Variants in STAU2 observed in about 807,000 individuals in gnomAD.
STAU2 encodes the protein staufen double-stranded RNA binding protein 2.
STAU2 carries 20 observed loss-of-function variants against 65.9 expected under a neutral mutation model. The ratio of observed to expected loss-of-function variants is 0.30; its 90% CI spans 0.21 to 0.44. The LOEUF is 0.44. Among genes scored for constraint, STAU2 ranks in the 20% least tolerant of loss-of-function variants. The pLI, the probability that STAU2 is intolerant of heterozygous loss-of-function variation, is 1.00. For missense variants in STAU2, 558 were observed against 683.9 expected, an observed-to-expected ratio of 0.82 and a Z score of 2.05; for synonymous variants, 232 against 233.9, an observed-to-expected ratio of 0.99 and a Z score of 0.07.
intron 13 of STAU2, among the ~76,000 whole-genome samples, chr8:73,445,094 C>T (rs765640494): frequency 1.3e-5 from 2 of 152,198 alleles, no homozygotes; most frequent in Non-Finnish European, 2.9e-5. Flanking sequence ...TCGAACCAGA[C>T]GTCCTTATCA....
chr8:73,598,835 G>T (rs1811410031), intron 10 of STAU2, among the ~76,000 whole-genome samples: 1 of 151,986 alleles, frequency 6.6e-6, no homozygotes, highest in Admixed American at 6.6e-5. Context: ...ATGAAAAAGA[G>T]GACTGCATTT....
At chr8:73,695,178 C>T (rs972120167) in intron 4 of STAU2, among the ~76,000 whole-genome samples, 1 of 152,158 alleles carries the variant, frequency 6.6e-6, no homozygotes, top group African/African-American at 2.4e-5. Flanking sequence ...CCAGGAAGTG[C>T]AACTTGTAGC....
chr8:73,739,586 G>A (rs1197527419), intron 2 of STAU2, among the ~76,000 whole-genome samples, 170 bp downstream of exon 2: 3 of 152,152 alleles, frequency 2.0e-5, no homozygotes, highest in African/African-American at 7.2e-5. Context: ...CATTCAAAAT[G>A]ACTTTGAAAA....
intron 13 of STAU2, among the ~76,000 whole-genome samples, chr8:73,476,282 C>T (rs975958162): frequency 6.6e-6 from 1 of 152,108 alleles, no homozygotes; most frequent in Non-Finnish European, 1.5e-5. Context: ...GAAGTTCTTG[C>T]CTTAAGAACA....
intron 13 of STAU2, among the ~76,000 whole-genome samples, chr8:73,525,663 T>C (rs1823316764): frequency 6.6e-6 from 1 of 152,242 alleles, no homozygotes. Flanking sequence ...GCCACCTCTG[T>C]GAACAGTGGG....
At chr8:73,622,068 T>C (rs940046784) in intron 6 of STAU2, among the ~76,000 whole-genome samples, 1 of 147,168 alleles carries the variant, frequency 6.8e-6, no homozygotes, top group African/African-American at 2.5e-5. Context: ...GCCATTCTCC[T>C]GCCTCAGCCT....
At chr8:73,692,157 A>C (rs1819363010) in intron 4 of STAU2, among the ~76,000 whole-genome samples, 1 of 151,534 alleles carries the variant, frequency 6.6e-6, no homozygotes, top group Non-Finnish European at 1.5e-5. Context: ...AGGGCTTGGA[A>C]GCTCCATTTC....
At chr8:73,523,209 A>AAG (rs1232775190) in intron 13 of STAU2, among the ~76,000 whole-genome samples, 4 of 139,766 alleles carry the variant, frequency 2.9e-5, no homozygotes, top group Non-Finnish European at 4.6e-5. Flanking sequence ...AAAAAAAAAA[A>AAG]AAAAAAAAAA....
chr8:73,525,047 C>G (rs188665041), intron 13 of STAU2, among the ~76,000 whole-genome samples: 18 of 152,252 alleles, frequency 1.2e-4, no homozygotes, highest in African/African-American at 4.1e-4. Context: ...AAGAGAGGAG[C>G]AGTGATCACA....
chr8:73,494,555 T>C (rs751032506), intron 13 of STAU2, among the ~76,000 whole-genome samples: 2 of 151,686 alleles, frequency 1.3e-5, no homozygotes, highest in Non-Finnish European at 3.0e-5. Flanking sequence ...TCCTAAAACA[T>C]AGAATAATTA....
chr8:73,622,287 C>T (rs901117019), intron 6 of STAU2, among the ~76,000 whole-genome samples: 2 of 104,238 alleles, frequency 1.9e-5, no homozygotes, highest in African/African-American at 1.0e-4. Context: ...CCACCTCGCC[C>T]GGCTAATTTT....
intron 13 of STAU2, among the ~76,000 whole-genome samples, chr8:73,446,571 G>A (rs768907679): frequency 6.6e-6 from 1 of 152,128 alleles, no homozygotes; most frequent in Non-Finnish European, 1.5e-5. Context: ...ATATCTAAAT[G>A]CAAGGTAAAA....
At chr8:73,701,510 C>T (rs1016796040) in intron 4 of STAU2, among the ~76,000 whole-genome samples, 1 of 152,074 alleles carries the variant, frequency 6.6e-6, no homozygotes, top group Admixed American at 6.5e-5. Flanking sequence ...CAGAGAAATG[C>T]AAATCAAAAC....
At chr8:73,688,944 C>A in intron 4 of STAU2, 131 bp from the exon 5 acceptor site, 1 of 1,044,284 alleles carries the variant, frequency 9.6e-7, no homozygotes, top group South Asian at 1.6e-5. Context: ...TACAGATCAT[C>A]TGCAACAAAA....
At chr8:73,431,031 TG>T (rs1817242088) in intron 13 of STAU2, among the ~76,000 whole-genome samples, 1 of 152,200 alleles carries the variant, frequency 6.6e-6, no homozygotes, top group South Asian at 2.1e-4. Flanking sequence ...GTGTAGTAAG[TG>T]TAAACTAATC....
At chr8:73,480,785 GCTGAGCAAT>G (rs1820564984) in intron 13 of STAU2, among the ~76,000 whole-genome samples, 1 of 152,092 alleles carries the variant, frequency 6.6e-6, no homozygotes, top group South Asian at 2.1e-4. Context: ...GTAAAGGGAG[GCTGAGCAAT>G]CTGACTTACG....
At chr8:73,589,426 G>A (rs1810609588) in intron 11 of STAU2, among the ~76,000 whole-genome samples, 1 of 152,164 alleles carries the variant, frequency 6.6e-6, no homozygotes, top group South Asian at 2.1e-4. Context: ...AGACCTTTCA[G>A]AAAGGTATTT....
At chr8:73,744,257 G>A (rs1285193596) in intron 1 of STAU2, among the ~76,000 whole-genome samples, 1 of 152,026 alleles carries the variant, frequency 6.6e-6, no homozygotes, top group African/African-American at 2.4e-5. Flanking sequence ...AATTATTACT[G>A]ATTCTAGACA....
intron 13 of STAU2, among the ~76,000 whole-genome samples, chr8:73,489,357 ATAGTTTGCT>A (rs1373587550): frequency 6.6e-6 from 1 of 152,068 alleles, no homozygotes; most frequent in African/African-American, 2.4e-5. Context: ...TTAAAAAAAC[ATAGTTTGCT>A]ACAAATGACA....
Sources: allele counts gnomAD v4.1 joint callset (sites outside exome capture counted in the v4.1 genomes callset), GRCh38; gene constraint gnomAD v4.1.1; transcripts MANE v1.5; gene names NCBI Gene and HGNC (gene_info 2026-07-23, HGNC 2026-07-21).